DEPDC1B: variants seen among roughly 807,000 people sequenced by gnomAD.
DEPDC1B encodes the protein DEP domain containing 1B, also known as DEP domain-containing protein 1B.
A neutral mutation model predicts 66.5 loss-of-function variants in DEPDC1B; 51 were observed. The observed-to-expected ratio is 0.77, with a 90% confidence interval of 0.61 to 0.97. The LOEUF (loss-of-function observed/expected upper bound fraction) is 0.97, where lower values mean the gene tolerates loss of function less well. DEPDC1B is among the 50% of genes least tolerant of loss of function. DEPDC1B has a pLI of 0.00. For synonymous variants in DEPDC1B, 226 were observed against 223.6 expected, an observed-to-expected ratio of 1.01 and a Z score of -0.10; for missense variants, 552 against 637.1, an observed-to-expected ratio of 0.87 and a Z score of 1.44.
At chr5:60,684,643 A>C (rs1213098484) in intron 2 of DEPDC1B, among the ~76,000 whole-genome samples, 2 of 152,210 alleles carry the variant, frequency 1.3e-5, no homozygotes, top group Non-Finnish European at 1.5e-5. Flanking sequence ...AAACTACTAG[A>C]AGAAAACAGG....
intron 2 of DEPDC1B, among the ~76,000 whole-genome samples, chr5:60,667,725 A>G (rs1584084642): frequency 7.2e-6 from 1 of 138,390 alleles, no homozygotes; most frequent in Non-Finnish European, 1.5e-5. Context: ...GATATTTTAC[A>G]TATATATAAA....
chr5:60,617,237 C>T (rs960890400), intron 7 of DEPDC1B, among the ~76,000 whole-genome samples: 11 of 152,180 alleles, frequency 7.2e-5, no homozygotes, highest in African/African-American at 2.7e-4. Context: ...AACTAACAGG[C>T]AAATTAACCA....
At chr5:60,620,568 T>A (rs544126186) in intron 7 of DEPDC1B, among the ~76,000 whole-genome samples, 2 of 152,170 alleles carry the variant, frequency 1.3e-5, no homozygotes, top group South Asian at 4.1e-4. Flanking sequence ...ATCAGAGAAA[T>A]GCAAATCAAA....
At chr5:60,680,596 T>C (rs984632477) in intron 2 of DEPDC1B, among the ~76,000 whole-genome samples, 1 of 152,214 alleles carries the variant, frequency 6.6e-6, no homozygotes, top group African/African-American at 2.4e-5. Flanking sequence ...AGAACCCTTA[T>C]ATTTTAGGTA....
rs375086322 is a variant in DEPDC1B, at chr5:60,667,938, TA to T, written c.314+19023del. Among the ~76,000 whole-genome samples, 6 of 36,264 alleles carry T rather than the reference TA, an allele frequency of 1.7e-4. 1 individual carries two copies. The South Asian group carries it at 2.9e-3, about 17-fold the overall frequency. 23.8% of individuals were successfully genotyped at this position (36,264 alleles called of 152,430 possible). A position where few individuals can be genotyped will look rare whatever the true frequency, so the allele number is the denominator to read the frequency against. On this transcript the variant is annotated intron_variant, in intron 2 of 10. Transcript: ENST00000265036. ...AAAAAATGGATATTTTATATATATA[TA>T]AAATGGATATTTTATATATATAATG... is the stretch of plus-strand genomic sequence containing the variant.
intron 1 of DEPDC1B, 49 bp downstream of exon 1, chr5:60,699,997 G>A: frequency 6.5e-7 from 1 of 1,544,174 alleles, no homozygotes; most frequent in Non-Finnish European, 8.7e-7. Context: ...CGCTGAGTGG[G>A]GGCTCGCGGC....
At chr5:60,690,166 TATAAAC>T (rs1754509695) in intron 1 of DEPDC1B, among the ~76,000 whole-genome samples, 2 of 152,356 alleles carry the variant, frequency 1.3e-5, no homozygotes, top group Middle Eastern at 3.4e-3. Context: ...TTTATATACT[TATAAAC>T]ATAAGTATAT....
chr5:60,609,982 T>C (rs1752384343), intron 7 of DEPDC1B, among the ~76,000 whole-genome samples: 1 of 152,214 alleles, frequency 6.6e-6, no homozygotes, highest in Non-Finnish European at 1.5e-5. Context: ...ACTTATTATG[T>C]TATCTGCCAT....
At chr5:60,662,127 G>A (rs1472590159) in intron 2 of DEPDC1B, among the ~76,000 whole-genome samples, 1 of 152,068 alleles carries the variant, frequency 6.6e-6, no homozygotes, top group African/African-American at 2.4e-5. Context: ...GGTGATTCAC[G>A]CCTGTAATCC....
chr5:60,679,544 A>G (rs993126955), intron 2 of DEPDC1B, among the ~76,000 whole-genome samples: 2 of 152,208 alleles, frequency 1.3e-5, no homozygotes, highest in African/African-American at 2.4e-5. Context: ...TAGAAACAAA[A>G]AAGAAAAAAG....
intron 2 of DEPDC1B, among the ~76,000 whole-genome samples, chr5:60,676,239 T>C (rs1754157584): frequency 6.6e-6 from 1 of 151,978 alleles, no homozygotes. Context: ...CTTTTTTTTT[T>C]TTTTCTTCTT....
chr5:60,657,632 A>G (rs1406760775), intron 2 of DEPDC1B, among the ~76,000 whole-genome samples: 1 of 152,204 alleles, frequency 6.6e-6, no homozygotes, highest in Admixed American at 6.5e-5. Flanking sequence ...AATCCCTTCT[A>G]GCTTGCAGGG....
chr5:60,614,621 ATGT>A (rs1752499277), intron 7 of DEPDC1B, among the ~76,000 whole-genome samples: 1 of 152,216 alleles, frequency 6.6e-6, no homozygotes, highest in African/African-American at 2.4e-5. Context: ...TTATTAAATA[ATGT>A]TGTATTTCCC....
intron 6 of DEPDC1B, among the ~76,000 whole-genome samples, chr5:60,640,455 CT>C (rs1753162402): frequency 6.6e-6 from 1 of 152,138 alleles, no homozygotes; most frequent in Admixed American, 6.5e-5. Context: ...TTTTTATGAC[CT>C]TTTCTTTCTC....
At chr5:60,669,859 T>C (rs1400719505) in intron 2 of DEPDC1B, among the ~76,000 whole-genome samples, 1 of 152,084 alleles carries the variant, frequency 6.6e-6, no homozygotes, top group African/African-American at 2.4e-5. Flanking sequence ...ATTTAGAAAA[T>C]AAATTCCATT....
intron 3 of DEPDC1B, among the ~76,000 whole-genome samples, chr5:60,646,371 A>C (rs1335961902): frequency 6.6e-6 from 1 of 152,208 alleles, no homozygotes; most frequent in Non-Finnish European, 1.5e-5. Context: ...AACTGGCAAT[A>C]ATAACAGTTT....
At chr5:60,617,160 A>C (rs187118676) in intron 7 of DEPDC1B, among the ~76,000 whole-genome samples, 1 of 152,296 alleles carries the variant, frequency 6.6e-6, no homozygotes, top group African/African-American at 2.4e-5. Flanking sequence ...AAAGGAACAT[A>C]CGGTACCAGC....
intron 1 of DEPDC1B, among the ~76,000 whole-genome samples, chr5:60,692,331 A>C (rs1754563600): frequency 6.6e-6 from 1 of 152,210 alleles, no homozygotes; most frequent in South Asian, 2.1e-4. Flanking sequence ...GCAAGTGTAC[A>C]ACAAAAAAAT....
chr5:60,612,048 T>TTGGG (rs1752423289), intron 7 of DEPDC1B, among the ~76,000 whole-genome samples: 2 of 152,200 alleles, frequency 1.3e-5, no homozygotes, highest in Middle Eastern at 3.4e-3. Context: ...GGCTCTCTTG[T>TTGGG]TAGGGGCTAA....
Sources: gnomAD v4.1 joint callset for allele counts (sites outside exome capture counted in the v4.1 genomes callset) on GRCh38, gnomAD v4.1.1 for gene constraint, MANE v1.5 for transcripts, NCBI Gene and HGNC (gene_info 2026-07-23, HGNC 2026-07-21) for gene names.